Variants in GNA14 observed in about 807,000 individuals in gnomAD.
GNA14 encodes the protein guanine nucleotide-binding protein subunit alpha-14.
A neutral mutation model predicts 42.0 loss-of-function variants in GNA14; 50 were observed. The observed-to-expected ratio is 1.19, with a 90% CI of 0.95 to 1.51. The LOEUF is 1.51. Among genes scored for constraint, GNA14 ranks in the 40% most tolerant of loss-of-function variants. GNA14 has a pLI of 0.00. For missense variants in GNA14, 473 were observed against 446.2 expected (o/e 1.06, Z -0.54); for synonymous variants, 173 against 163.1 (o/e 1.06, Z -0.46).
intron 1 of GNA14, among the ~76,000 whole-genome samples, chr9:77,559,636 G>A (rs983078576): frequency 6.6e-6 from 1 of 152,190 alleles, no homozygotes; most frequent in African/African-American, 2.4e-5. Flanking sequence ...TCTGAGCTTG[G>A]TAAAGTGAAA....
intron 2 of GNA14, among the ~76,000 whole-genome samples, chr9:77,513,720 C>T (rs1300606621): frequency 2.0e-5 from 3 of 152,182 alleles, no homozygotes; most frequent in African/African-American, 4.8e-5. Flanking sequence ...TGAGTCTTCC[C>T]GAACACATGA....
At chr9:77,490,763 C>G (rs1286378891) in intron 2 of GNA14, among the ~76,000 whole-genome samples, 1 of 152,226 alleles carries the variant, frequency 6.6e-6, no homozygotes, top group Non-Finnish European at 1.5e-5. Context: ...TCACGCCTCT[C>G]CCTCCACACC....
chr9:77,423,752 T>C lies in GNA14; in HGVS notation c.*227A>G, dbSNP rs1280695089. 6.4e-6 allele frequency: 2 copies of C among 311,248 alleles called. No homozygotes were observed. Among genetic ancestry groups the C allele is most frequent in the Non-Finnish European group, 1.2e-5 (2 of 171,364 alleles). The allele number at this position is 311,248 out of a possible 1,614,324, so 19.3% of individuals were successfully genotyped here. On this transcript the variant is annotated 3_prime_UTR_variant, in exon 7 of 7. Coordinates refer to ENST00000341700, the MANE Select transcript of GNA14 (RefSeq NM_004297.4). ...TTACACAAAATCTTATAGCCAAAAGTCAAGAAAATAATTATAAACACAATT... is the reference window on the plus strand; with the variant it reads ...TTACACAAAATCTTATAGCCAAAAGCCAAGAAAATAATTATAAACACAATT...
rs570237907 is a variant in GNA14, at chr9:77,425,442, G to C, written c.877+120C>G. Reference sequence around the variant, plus strand: ...AGCTTCTGTTTGAAGGTGGGAATAGGGGGAGAGGCTATTGCAGGCAGACCA... The same window carrying C: ...AGCTTCTGTTTGAAGGTGGGAATAGCGGGAGAGGCTATTGCAGGCAGACCA... On this transcript the variant is annotated intron_variant, in intron 6 of 6. Transcript: ENST00000341700. 12 of 657,696 alleles carry C rather than the reference G, an allele frequency of 1.8e-5. No individual in the cohort carries two copies. In the Admixed American group the frequency reaches 2.4e-4, roughly 13 times the overall value. 40.7% of individuals were successfully genotyped at this position (657,696 alleles called of 1,614,324 possible).
intron 1 of GNA14, among the ~76,000 whole-genome samples, chr9:77,587,586 C>A (rs576424332): frequency 6.6e-6 from 1 of 152,040 alleles, no homozygotes; most frequent in South Asian, 2.1e-4. Context: ...ATGAAATATC[C>A]GTAGTATGAA....
At chr9:77,538,483 C>A (rs1261521697) in intron 1 of GNA14, among the ~76,000 whole-genome samples, 1 of 151,882 alleles carries the variant, frequency 6.6e-6, no homozygotes, top group Non-Finnish European at 1.5e-5. Flanking sequence ...TGTTGGTATT[C>A]TGATAAGGAT....
intron 1 of GNA14, among the ~76,000 whole-genome samples, chr9:77,597,082 T>A (rs1257632003): frequency 2.6e-5 from 4 of 152,206 alleles, no homozygotes; most frequent in African/African-American, 9.7e-5. Context: ...AAATAAACTT[T>A]CTAAATTAAC....
intron 1 of GNA14, among the ~76,000 whole-genome samples, chr9:77,644,463 A>AAAAAAAAAAAAAAC (rs1824323051): frequency 6.7e-6 from 1 of 148,770 alleles, no homozygotes; most frequent in African/African-American, 2.5e-5. Context: ...AAAAAAAAAA[A>AAAAAAAAAAAAAAC]AGACACAGGA....
intron 1 of GNA14, among the ~76,000 whole-genome samples, chr9:77,548,187 C>G (rs1319992133): frequency 6.6e-6 from 1 of 152,218 alleles, no homozygotes. Flanking sequence ...CCATGCTCCT[C>G]TCCCAGCTCC....
intron 2 of GNA14, among the ~76,000 whole-genome samples, chr9:77,505,341 G>A (rs2131746008): frequency 6.6e-6 from 1 of 152,258 alleles, no homozygotes; most frequent in East Asian, 1.9e-4. Context: ...ATCAAATTAT[G>A]AATTACCACA....
chr9:77,528,254 G>A (rs1258582129), intron 2 of GNA14, among the ~76,000 whole-genome samples: 1 of 152,012 alleles, frequency 6.6e-6, no homozygotes, highest in Non-Finnish European at 1.5e-5. Flanking sequence ...CTTCTTCACA[G>A]ATCCACGAGA....
intron 1 of GNA14, among the ~76,000 whole-genome samples, chr9:77,535,400 CG>C (rs1837582571): frequency 6.6e-6 from 1 of 151,988 alleles, no homozygotes; most frequent in Non-Finnish European, 1.5e-5. Flanking sequence ...AAAAATTAGC[CG>C]GGTGTGGTGG....
intron 1 of GNA14, among the ~76,000 whole-genome samples, chr9:77,546,165 C>A (rs780487679): frequency 7.2e-6 from 1 of 138,862 alleles, no homozygotes; most frequent in African/African-American, 2.8e-5. Flanking sequence ...TGCAGTGAGC[C>A]GAGATCATGC....
chr9:77,532,592 A>G (rs943961245), intron 1 of GNA14, among the ~76,000 whole-genome samples: 1 of 152,250 alleles, frequency 6.6e-6, no homozygotes, highest in African/African-American at 2.4e-5. Context: ...CTGTTCATTT[A>G]TTCACAAAAA....
intron 2 of GNA14, among the ~76,000 whole-genome samples, chr9:77,445,221 C>T (rs946357699): frequency 4.6e-5 from 7 of 152,088 alleles, no homozygotes; most frequent in African/African-American, 9.7e-5. Context: ...AGCGGGGGTA[C>T]GAGAAAGGGA....
At chr9:77,547,460 T>G (rs574492151) in intron 1 of GNA14, among the ~76,000 whole-genome samples, 3 of 152,238 alleles carry the variant, frequency 2.0e-5, no homozygotes, top group Admixed American at 6.5e-5. Context: ...TGGGATGCCT[T>G]TGCTGTCGTA....
chr9:77,474,713 T>G (rs1836389347), intron 2 of GNA14, among the ~76,000 whole-genome samples: 1 of 152,190 alleles, frequency 6.6e-6, no homozygotes, highest in Admixed American at 6.5e-5. Flanking sequence ...CACTGCAGCA[T>G]TATTCATAAT....
chr9:77,634,855 T>C (rs988791832), intron 1 of GNA14, among the ~76,000 whole-genome samples: 10 of 152,194 alleles, frequency 6.6e-5, no homozygotes, highest in African/African-American at 2.4e-4. Context: ...CACTTAGCAT[T>C]GTGGGTTCAA....
At chr9:77,479,081 A>T (rs1836492341) in intron 2 of GNA14, among the ~76,000 whole-genome samples, 2 of 152,098 alleles carry the variant, frequency 1.3e-5, no homozygotes, top group Admixed American at 1.3e-4. Flanking sequence ...GGTGTTTTAG[A>T]CATGAAGTCC....
Sources: gnomAD v4.1 joint callset for allele counts (sites outside exome capture counted in the v4.1 genomes callset) on GRCh38, gnomAD v4.1.1 for gene constraint, MANE v1.5 for transcripts, NCBI Gene and HGNC (gene_info 2026-07-23, HGNC 2026-07-21) for gene names.